Variants in CSNK1G1 observed in about 807,000 individuals in gnomAD.
The protein encoded by CSNK1G1 is casein kinase I isoform gamma-1.
CSNK1G1 carries 22 observed loss-of-function variants against 59.6 expected under a neutral mutation model. The observed-to-expected ratio is 0.37, with a 90% CI of 0.26 to 0.53. CSNK1G1 has a LOEUF of 0.53. Among genes scored for constraint, CSNK1G1 ranks in the 20% least tolerant of loss-of-function variants. The probability of loss-of-function intolerance (pLI) is 0.89; values close to 1 mark genes in which losing one functional copy is unlikely to be tolerated. For missense variants in CSNK1G1, 384 were observed against 519.5 expected (o/e 0.74, Z 2.54); for synonymous variants, 179 against 177.1 (o/e 1.01, Z -0.08).
chr15:64,272,902 C>G (rs1441684697), intron 2 of CSNK1G1, among the ~76,000 whole-genome samples: 1 of 152,014 alleles, frequency 6.6e-6, no homozygotes, highest in Non-Finnish European at 1.5e-5. Context: ...CAGGGTTTTG[C>G]CATGTTGCCC....
chr15:64,333,745 A>C (rs1049861645), intron 1 of CSNK1G1, among the ~76,000 whole-genome samples: 3 of 152,214 alleles, frequency 2.0e-5, no homozygotes, highest in Non-Finnish European at 2.9e-5. Context: ...AAAAGCAAGA[A>C]GTAATAGCTG....
intron 10 of CSNK1G1, among the ~76,000 whole-genome samples, chr15:64,184,584 C>A (rs150890524): frequency 4.0e-4 from 58 of 143,924 alleles, no homozygotes; most frequent in African/African-American, 1.5e-3. Flanking sequence ...GGCTGAGGCA[C>A]AAGAATTGCT....
At chr15:64,244,803 G>C (rs1891665239) in intron 4 of CSNK1G1, among the ~76,000 whole-genome samples, 4 of 151,996 alleles carry the variant, frequency 2.6e-5, no homozygotes, top group Admixed American at 2.0e-4. Context: ...GGGTAACAGA[G>C]TAAGACCCTG....
rs991447841 is a variant in CSNK1G1 at position 64,270,621 on chromosome 15, G to A, written c.182-11380C>T. 3.3e-5 allele frequency among the ~76,000 whole-genome samples: 5 copies of A among 152,026 alleles called. No individual in the cohort carries two copies. In the South Asian group the frequency reaches 8.3e-4, roughly 25 times the overall value. ...AAAAATACAAAAAAATTAGCCGGGC[G>A]TGGTGGCAGGCGCCTGTAGTCCCAG... On this transcript the variant is annotated intron_variant, in intron 2 of 11. Coordinates refer to ENST00000303052, the MANE Select transcript of CSNK1G1 (RefSeq NM_022048.5).
At chr15:64,184,949 G>C (rs2081871083) in intron 10 of CSNK1G1, among the ~76,000 whole-genome samples, 2 of 152,196 alleles carry the variant, frequency 1.3e-5, no homozygotes, top group Non-Finnish European at 2.9e-5. Context: ...AAAGGAAACA[G>C]TACTTCAACT....
At chr15:64,322,532 A>C (rs1896619159) in intron 1 of CSNK1G1, among the ~76,000 whole-genome samples, 2 of 151,952 alleles carry the variant, frequency 1.3e-5, no homozygotes, top group South Asian at 4.2e-4. Context: ...CATTTAGTAC[A>C]GGCCAGGCAT....
At chr15:64,324,153 T>G (rs1896715943) in intron 1 of CSNK1G1, among the ~76,000 whole-genome samples, 1 of 152,192 alleles carries the variant, frequency 6.6e-6, no homozygotes, top group East Asian at 1.9e-4. Flanking sequence ...TACACTACTA[T>G]GTATTTATAA....
chr15:64,206,656 A>G (rs529053668), intron 7 of CSNK1G1, among the ~76,000 whole-genome samples: 1 of 151,370 alleles, frequency 6.6e-6, no homozygotes, highest in African/African-American at 2.4e-5. Flanking sequence ...ATGGGTTAGA[A>G]GCTCACCATT....
Position 64,300,529 on chromosome 15 carries a change from C to T in CSNK1G1, c.-30G>A, listed in dbSNP as rs1895270750. The T allele has an allele frequency of 1.3e-6, 2 of 1,596,904 alleles. No homozygotes were observed. The highest frequency in any genetic ancestry group is 1.7e-6 in the Non-Finnish European group (2 of 1,170,470). ...CTACAGGACAGAGTCTCCTATAGTA[C>T]AGCAAGTAGCTTCAGTATGTATACC... On this transcript the variant is annotated 5_prime_UTR_variant, in exon 2 of 12. Coordinates refer to ENST00000303052, the MANE Select transcript of CSNK1G1 (RefSeq NM_022048.5).
chr15:64,252,657 T>C (rs1892157121), intron 3 of CSNK1G1, among the ~76,000 whole-genome samples: 1 of 152,232 alleles, frequency 6.6e-6, no homozygotes, highest in Non-Finnish European at 1.5e-5. Context: ...AACATCCTTA[T>C]GTATATTTCT....
intron 2 of CSNK1G1, among the ~76,000 whole-genome samples, chr15:64,289,099 G>A (rs1020387749): frequency 6.6e-6 from 1 of 151,024 alleles, no homozygotes; most frequent in African/African-American, 2.4e-5. Flanking sequence ...AGAATCACTT[G>A]AACCCAGGAG....
intron 2 of CSNK1G1, among the ~76,000 whole-genome samples, chr15:64,296,931 T>G (rs1157718491): frequency 6.8e-6 from 1 of 146,000 alleles, no homozygotes. Flanking sequence ...AAATGCACTA[T>G]CGTTACTTTT....
chr15:64,267,256 C>CAAAAAAAAAAAAAAAAA (rs199581105), intron 2 of CSNK1G1, among the ~76,000 whole-genome samples: 2 of 61,784 alleles, frequency 3.2e-5, no homozygotes, highest in Non-Finnish European at 7.4e-5. Context: ...GACCTTATCT[C>CAAAAAAAAAAAAAAAAA]AAAAAAAAAA....
chr15:64,248,715 C>G (rs562213102), intron 4 of CSNK1G1, among the ~76,000 whole-genome samples: 1 of 152,092 alleles, frequency 6.6e-6, no homozygotes, highest in Non-Finnish European at 1.5e-5. Flanking sequence ...CCAGGCACGG[C>G]GGCTCACATC....
At chr15:64,276,570 G>C (rs978516806) in intron 2 of CSNK1G1, among the ~76,000 whole-genome samples, 1 of 151,960 alleles carries the variant, frequency 6.6e-6, no homozygotes. Flanking sequence ...GGGAACCCAT[G>C]AAAATGAAAA....
chr15:64,268,634 C>T (rs8037297), intron 2 of CSNK1G1, among the ~76,000 whole-genome samples: 29,394 of 151,976 alleles, frequency 0.19, 3,937 homozygotes, highest in African/African-American at 0.39. Flanking sequence ...TTAGGGAACA[C>T]ACAGTATTTC....
chr15:64,319,757 C>A (rs1896461512), intron 1 of CSNK1G1, among the ~76,000 whole-genome samples: 1 of 151,942 alleles, frequency 6.6e-6, no homozygotes, highest in Non-Finnish European at 1.5e-5. Flanking sequence ...CACCGTGTTG[C>A]CCAGGCTGGT....
At chr15:64,276,574 A>ATT (rs1339917863) in intron 2 of CSNK1G1, among the ~76,000 whole-genome samples, 6 of 152,174 alleles carry the variant, frequency 3.9e-5, no homozygotes, top group Non-Finnish European at 8.8e-5. Context: ...ACCCATGAAA[A>ATT]TGAAAAAGAG....
intron 4 of CSNK1G1, among the ~76,000 whole-genome samples, chr15:64,218,045 C>A (rs560845755): frequency 1.4e-4 from 22 of 151,822 alleles, no homozygotes; most frequent in Admixed American, 6.6e-4. Flanking sequence ...CCCGGACTAA[C>A]GCGATCTTCC....
Sources: gnomAD v4.1 joint callset for allele counts (sites outside exome capture counted in the v4.1 genomes callset) on GRCh38, gnomAD v4.1.1 for gene constraint, MANE v1.5 for transcripts, NCBI Gene and HGNC (gene_info 2026-07-23, HGNC 2026-07-21) for gene names.